SND1: variants seen among roughly 807,000 people sequenced by gnomAD.
The protein encoded by SND1 is staphylococcal nuclease and tudor domain containing 1, also known as staphylococcal nuclease domain-containing protein 1.
In SND1, 38 loss-of-function variants were observed where a neutral mutation model predicts 121.7. The observed-to-expected ratio is 0.31, with a 90% confidence interval of 0.24 to 0.41. The LOEUF is 0.41. Ranked by LOEUF, SND1 falls within the 10% of genes least tolerant of loss-of-function variation. The pLI, the probability that SND1 is intolerant of heterozygous loss-of-function variation, is 1.00. For synonymous variants in SND1, 401 were observed against 447.4 expected (o/e 0.90, Z 1.31); for missense variants, 868 against 1,184.6 (o/e 0.73, Z 3.92).
chr7:127,704,734 C>A, intron 7 of SND1, 105 bp from the exon 8 acceptor site: 1 of 914,594 alleles, frequency 1.1e-6, no homozygotes, highest in Non-Finnish European at 1.7e-6. Flanking sequence ...AAACAAACTG[C>A]AGACTAGTTT....
chr7:127,950,528 G>A (rs995157840), intron 15 of SND1, among the ~76,000 whole-genome samples: 1 of 152,170 alleles, frequency 6.6e-6, no homozygotes, highest in Admixed American at 6.5e-5. Context: ...CCACATAAAT[G>A]CTATTGTCTG....
At chr7:128,007,167 A>T (rs1221279441) in intron 16 of SND1, among the ~76,000 whole-genome samples, 1 of 152,068 alleles carries the variant, frequency 6.6e-6, no homozygotes, top group Non-Finnish European at 1.5e-5. Context: ...TTTCCCATGG[A>T]TCATTAATAA....
At chr7:127,703,093 C>A (rs780113858) in intron 6 of SND1, 72 bp from the exon 7 acceptor site, 4 of 1,556,564 alleles carry the variant, frequency 2.6e-6, no homozygotes, top group Non-Finnish European at 3.5e-6. Context: ...TTTTGGAAGG[C>A]TTAGTGTGGG....
chr7:128,021,258 C>G (rs918286627), intron 16 of SND1, among the ~76,000 whole-genome samples: 3 of 152,240 alleles, frequency 2.0e-5, no homozygotes, highest in Admixed American at 6.5e-5. Flanking sequence ...ACCACTGTGG[C>G]TGGCAGGCTG....
chr7:127,660,945 A>T (rs1456805419), intron 1 of SND1, among the ~76,000 whole-genome samples: 2 of 152,152 alleles, frequency 1.3e-5, no homozygotes, highest in African/African-American at 4.8e-5. Context: ...TTTCAAAAAA[A>T]AGCCACTCCT....
At chr7:127,672,999 G>T (rs79108011) in intron 1 of SND1, among the ~76,000 whole-genome samples, 3,335 of 151,864 alleles carry the variant, frequency 0.022, 63 homozygotes, top group South Asian at 0.049. Context: ...GTGTCTGTCA[G>T]GTTTCCTCAG....
At chr7:127,739,625 G>A (rs927917944) in intron 10 of SND1, among the ~76,000 whole-genome samples, 5 of 152,156 alleles carry the variant, frequency 3.3e-5, no homozygotes, top group African/African-American at 9.7e-5. Context: ...ACTCATTTTA[G>A]GGCATATGGT....
chr7:127,939,504 A>G (rs768711360), intron 15 of SND1, among the ~76,000 whole-genome samples: 5 of 152,200 alleles, frequency 3.3e-5, no homozygotes, highest in Non-Finnish European at 7.3e-5. Flanking sequence ...ACACTTAAAG[A>G]TGAATTCTTG....
At chr7:127,881,960 G>T (rs1338031256) in intron 12 of SND1, among the ~76,000 whole-genome samples, 2 of 152,128 alleles carry the variant, frequency 1.3e-5, no homozygotes, top group Admixed American at 6.6e-5. Flanking sequence ...TCTTAAAGCA[G>T]TTGGGGCAGA....
chr7:127,830,392 A>G lies in SND1; in HGVS notation c.1243-13932A>G, dbSNP rs116295173. 5.9e-3 allele frequency among the ~76,000 whole-genome samples: 893 copies of G among 152,266 alleles called. 16 individuals are homozygous for G. The highest frequency in any genetic ancestry group is 0.02 in the African/African-American group (851 of 41,538). On this transcript the variant is annotated intron_variant, in intron 11 of 23. Coordinates refer to ENST00000354725, the MANE Select transcript of SND1 (RefSeq NM_014390.4). ...GCTAATGCTGGTTGGCATTTTAGCC[A>G]ATTGGTTAAGTGTTGGTGAGAGTGG...
chr7:127,880,670 C>A (rs914438915), intron 12 of SND1, among the ~76,000 whole-genome samples: 1 of 151,984 alleles, frequency 6.6e-6, no homozygotes, highest in Non-Finnish European at 1.5e-5. Context: ...ATCTAAGAAA[C>A]AGAGCCACTG....
rs553358707 is a variant in SND1, at chr7:127,702,152, G to A, written c.590-283G>A. On this transcript the variant is annotated intron_variant, in intron 5 of 23. Transcript: ENST00000354725. ...TTTGTTGGGTACCTGGTACTCAGGTGAGAATCCTAGCTTATGGATAACAAA... is the reference window on the plus strand; with the variant it reads ...TTTGTTGGGTACCTGGTACTCAGGTAAGAATCCTAGCTTATGGATAACAAA... Among the ~76,000 whole-genome samples the A allele has an allele frequency of 3.8e-4, 58 of 152,278 alleles. 1 individual carries two copies. The South Asian group carries it at 0.012, about 32-fold the overall frequency.
chr7:127,863,112 A>C (rs1799409131), intron 12 of SND1, among the ~76,000 whole-genome samples: 2 of 152,234 alleles, frequency 1.3e-5, no homozygotes, highest in Non-Finnish European at 2.9e-5. Flanking sequence ...CAATGCTAAT[A>C]ATAATGAAAA....
intron 16 of SND1, among the ~76,000 whole-genome samples, chr7:128,002,239 C>A (rs1464098531): frequency 6.6e-6 from 1 of 152,204 alleles, no homozygotes; most frequent in Non-Finnish European, 1.5e-5. Context: ...AAACAGGGAT[C>A]CTCGCTACTA....
chr7:127,930,888 G>A (rs1475924389), intron 15 of SND1, among the ~76,000 whole-genome samples: 1 of 152,148 alleles, frequency 6.6e-6, no homozygotes, highest in Admixed American at 6.5e-5. Context: ...GACAACCTGT[G>A]TTAAGCAAGT....
chr7:127,931,469 A>C (rs1416953135), intron 15 of SND1, among the ~76,000 whole-genome samples: 1 of 152,248 alleles, frequency 6.6e-6, no homozygotes, highest in Admixed American at 6.5e-5. Flanking sequence ...CATCTTCATA[A>C]CATAAAAGTA....
At chr7:127,958,396 G>A (rs140269353) in intron 15 of SND1, among the ~76,000 whole-genome samples, 5 of 152,262 alleles carry the variant, frequency 3.3e-5, no homozygotes, top group Non-Finnish European at 7.4e-5. Context: ...TTGTCCAGTC[G>A]TCTGTGTCCG....
In SND1 at chr7:127,819,584, A is replaced by G. The variant is rs141070444; in HGVS notation, c.1242+12011A>G. ...ACCTTGTAGGATGGGCTGGAGGTAG[A>G]AAAATTCAGGAGTCTGGAGTCCTGG... On this transcript the variant is annotated intron_variant, in intron 11 of 23. Coordinates refer to ENST00000354725, the MANE Select transcript of SND1 (RefSeq NM_014390.4). Among the ~76,000 whole-genome samples, 1,323 of 152,300 alleles carry G rather than the reference A, an allele frequency of 8.7e-3. 4 individuals are homozygous for G. Among genetic ancestry groups the G allele is most frequent in the Non-Finnish European group, 0.014 (926 of 68,022 alleles).
chr7:127,960,289 G>A (rs1392385909), intron 15 of SND1, among the ~76,000 whole-genome samples: 4 of 152,122 alleles, frequency 2.6e-5, no homozygotes, highest in East Asian at 1.9e-4. Context: ...TAAGTGCATC[G>A]TGTGGGACTA....
Sources: allele counts gnomAD v4.1 joint callset (sites outside exome capture counted in the v4.1 genomes callset), GRCh38; gene constraint gnomAD v4.1.1; transcripts MANE v1.5; gene names NCBI Gene and HGNC (gene_info 2026-07-23, HGNC 2026-07-21).